Variants in ATP2C2 observed in about 807,000 individuals in gnomAD.
The protein encoded by ATP2C2 is ATPase secretory pathway Ca2+ transporting 2, also known as calcium-transporting ATPase type 2C member 2.
A neutral mutation model predicts 110.8 loss-of-function variants in ATP2C2; 171 were observed. The ratio of observed to expected loss-of-function variants is 1.54; its 90% CI spans 1.36 to 1.75. ATP2C2 has a LOEUF of 1.75. Among genes scored for constraint, ATP2C2 ranks in the 40% most tolerant of loss-of-function variants. The pLI is 0.00. For missense variants in ATP2C2, 1,963 were observed against 1,235.0 expected (o/e 1.59, Z -8.84); for synonymous variants, 804 against 508.4 (o/e 1.58, Z -7.82).
chr16:84,405,669 A>C (rs956729157), intron 3 of ATP2C2, among the ~76,000 whole-genome samples: 1 of 152,100 alleles, frequency 6.6e-6, no homozygotes, highest in Admixed American at 6.5e-5. Flanking sequence ...CCTGTAATCC[A>C]AGCACTTTGG....
At chr16:84,446,941 G>C (rs993950616) in intron 16 of ATP2C2, among the ~76,000 whole-genome samples, 2 of 152,108 alleles carry the variant, frequency 1.3e-5, no homozygotes, top group Admixed American at 1.3e-4. Flanking sequence ...CCTTCAGTAC[G>C]GAAGGCGTGT....
At chr16:84,460,440 G>C in intron 23 of ATP2C2, 1 of 661,818 alleles carries the variant, frequency 1.5e-6, no homozygotes, top group Non-Finnish European at 2.7e-6. Context: ...ACTGTCTGCG[G>C]GACAGATGGA....
chr16:84,389,265 T>G (rs2151406902), intron 1 of ATP2C2, among the ~76,000 whole-genome samples: 1 of 152,316 alleles, frequency 6.6e-6, no homozygotes, highest in South Asian at 2.1e-4. Flanking sequence ...CTCATTCCAG[T>G]ACCTCTCTCA....
At chr16:84,422,117 A>G (rs1907392287) in intron 7 of ATP2C2, among the ~76,000 whole-genome samples, 2 of 152,188 alleles carry the variant, frequency 1.3e-5, no homozygotes, top group South Asian at 4.1e-4. Context: ...ATATCCTAAA[A>G]TAGCCATCAC....
intron 1 of ATP2C2, among the ~76,000 whole-genome samples, chr16:84,388,757 T>G (rs1567689043): frequency 1.3e-5 from 2 of 152,166 alleles, no homozygotes; most frequent in African/African-American, 4.8e-5. Context: ...TGAAATTCTT[T>G]TTTTGTTTTG....
chr16:84,400,572 C>G (rs1276536533), intron 2 of ATP2C2, among the ~76,000 whole-genome samples: 1 of 152,182 alleles, frequency 6.6e-6, no homozygotes, highest in African/African-American at 2.4e-5. Flanking sequence ...CATGATCTGC[C>G]TGCCTCAGCC....
chr16:84,446,750 T>C (rs1255102669), intron 16 of ATP2C2, among the ~76,000 whole-genome samples: 1 of 152,194 alleles, frequency 6.6e-6, no homozygotes, highest in East Asian at 1.9e-4. Context: ...TGGGACCCAG[T>C]AACCTTCATT....
At chr16:84,445,716 A>G (rs1567731463) in intron 15 of ATP2C2, among the ~76,000 whole-genome samples, 1 of 152,212 alleles carries the variant, frequency 6.6e-6, no homozygotes, top group Non-Finnish European at 1.5e-5. Flanking sequence ...CCTCCCCATG[A>G]AATTTAATAT....
Position 84,439,182 on chromosome 16 carries a change from A to T in ATP2C2, c.1003A>T (p.Ile335Phe). 6.2e-7 allele frequency: 1 copy of T among 1,612,168 alleles called. No individual in the cohort carries two copies. The highest frequency in any genetic ancestry group is 8.5e-7 in the Non-Finnish European group (1 of 1,179,998). The change falls in exon 12 of 27, where the codon ATT (isoleucine) becomes TTT (phenylalanine). Residue 335 changes from isoleucine (I) to phenylalanine (F), a missense_variant. By Grantham distance (21) the Ile-to-Phe change is conservative. Coordinates refer to ENST00000262429, the MANE Select transcript of ATP2C2 (RefSeq NM_014861.4). ...TCGATCCAGCCTGGCTGTGGCGGCC[A>T]TTCCAGAGGGTCTGCCCATCGTCGT... ...TIGVSLAVAA[I>F]PEGLPIVVMV...
At chr16:84,417,145 G>A (rs1906911899) in intron 7 of ATP2C2, among the ~76,000 whole-genome samples, 1 of 152,196 alleles carries the variant, frequency 6.6e-6, no homozygotes, top group Non-Finnish European at 1.5e-5. Flanking sequence ...TCTGCAAAAT[G>A]GGGGGTGGTG....
chr16:84,459,535 C>G lies in ATP2C2; in HGVS notation c.2333+149C>G, dbSNP rs758865710. The stretch of plus-strand genomic sequence containing the variant: ...TCCCAGAAAACTGAAGTGTGTTGCA[C>G]TGCAGTGAGACTGGGAGTAGAAGGC... On this transcript the variant is annotated intron_variant, in intron 23 of 26. Transcript: ENST00000262429. 4.5e-6 allele frequency: 7 copies of G among 1,547,080 alleles called. No individual in the cohort carries two copies. The South Asian group carries it at 7.0e-5, about 16-fold the overall frequency.
intron 11 of ATP2C2, among the ~76,000 whole-genome samples, chr16:84,436,021 C>T (rs978339968): frequency 2.0e-5 from 3 of 150,728 alleles, no homozygotes; most frequent in Admixed American, 1.3e-4. Flanking sequence ...TCCAGCTACG[C>T]GGGAGGCTGA....
chr16:84,435,217 A>G (rs1390532348), intron 11 of ATP2C2, among the ~76,000 whole-genome samples: 1 of 152,250 alleles, frequency 6.6e-6, no homozygotes, highest in African/African-American at 2.4e-5. Flanking sequence ...CTCCTCTGAA[A>G]TCAGATCACT....
chr16:84,456,298 A>G (rs1336446023), intron 21 of ATP2C2, among the ~76,000 whole-genome samples: 1 of 151,168 alleles, frequency 6.6e-6, no homozygotes, highest in Non-Finnish European at 1.5e-5. Context: ...TATTGTCACA[A>G]TTTCAGAGCC....
At chr16:84,421,007 T>C (rs762958370) in intron 7 of ATP2C2, among the ~76,000 whole-genome samples, 7 of 152,128 alleles carry the variant, frequency 4.6e-5, no homozygotes, top group Non-Finnish European at 7.4e-5. Flanking sequence ...GGTTTCACTG[T>C]GTTGGCCAGG....
intron 1 of ATP2C2, among the ~76,000 whole-genome samples, chr16:84,392,758 C>T (rs549684249): frequency 3.3e-5 from 5 of 152,294 alleles, no homozygotes; most frequent in East Asian, 1.9e-4. Flanking sequence ...CCACTGCGCC[C>T]GGCCCATTCT....
intron 4 of ATP2C2, among the ~76,000 whole-genome samples, chr16:84,409,891 G>C (rs1906117319): frequency 6.6e-6 from 1 of 152,098 alleles, no homozygotes; most frequent in East Asian, 1.9e-4. Context: ...CATTCCACAC[G>C]ATGGAATTTC....
At chr16:84,416,684 C>T (rs1906862297) in intron 7 of ATP2C2, among the ~76,000 whole-genome samples, 1 of 152,146 alleles carries the variant, frequency 6.6e-6, no homozygotes, top group Non-Finnish European at 1.5e-5. Context: ...GTTCAGTTAC[C>T]AAAGTGAGGG....
chr16:84,376,687 C>T (rs557772043), intron 1 of ATP2C2, among the ~76,000 whole-genome samples: 127 of 152,302 alleles, frequency 8.3e-4, no homozygotes, highest in African/African-American at 3.0e-3. Context: ...TCGGGGAGGA[C>T]AGTCATGGCC....
Sources: allele counts gnomAD v4.1 joint callset (sites outside exome capture counted in the v4.1 genomes callset), GRCh38; gene constraint gnomAD v4.1.1; transcripts MANE v1.5; gene names NCBI Gene and HGNC (gene_info 2026-07-23, HGNC 2026-07-21).